Variants in CAMK2D observed in about 807,000 individuals in gnomAD.
CAMK2D encodes calcium/calmodulin-dependent protein kinase type II subunit delta.
In CAMK2D, 37 loss-of-function variants were observed where a neutral mutation model predicts 84.0. The ratio of observed to expected loss-of-function variants is 0.44; its 90% CI spans 0.34 to 0.58. The LOEUF (loss-of-function observed/expected upper bound fraction) is 0.58, where lower values mean the gene tolerates loss of function less well. Ranked by LOEUF, CAMK2D falls within the 20% of genes least tolerant of loss-of-function variation. The pLI is 0.02. For synonymous variants in CAMK2D, 202 were observed against 212.5 expected, an observed-to-expected ratio of 0.95 and a Z score of 0.43; for missense variants, 448 against 652.5, an observed-to-expected ratio of 0.69 and a Z score of 3.41.
At chr4:113,723,306 C>A (rs1023484261) in intron 2 of CAMK2D, among the ~76,000 whole-genome samples, 1 of 151,312 alleles carries the variant, frequency 6.6e-6, no homozygotes, top group Non-Finnish European at 1.5e-5. Context: ...CTCACTACAA[C>A]CTCCACCTCC....
At chr4:113,744,497 T>C (rs1380599074) in intron 2 of CAMK2D, among the ~76,000 whole-genome samples, 1 of 152,184 alleles carries the variant, frequency 6.6e-6, no homozygotes, top group Non-Finnish European at 1.5e-5. Flanking sequence ...CTTTCTGCCA[T>C]ATCCTTCCAT....
chr4:113,482,766 A>C (rs892243069), intron 16 of CAMK2D, among the ~76,000 whole-genome samples: 2 of 152,276 alleles, frequency 1.3e-5, no homozygotes, highest in African/African-American at 4.8e-5. Flanking sequence ...GAAATCAAAC[A>C]TCCAAAGGTA....
intron 2 of CAMK2D, among the ~76,000 whole-genome samples, chr4:113,730,036 A>G (rs1421223030): frequency 2.0e-5 from 3 of 152,140 alleles, no homozygotes; most frequent in Non-Finnish European, 4.4e-5. Flanking sequence ...ACCCGTGCAC[A>G]TCTTAGGTAT....
intron 8 of CAMK2D, among the ~76,000 whole-genome samples, chr4:113,529,784 A>T (rs17630126): frequency 0.061 from 9,330 of 152,170 alleles, 591 homozygotes; most frequent in East Asian, 0.21. Flanking sequence ...TCCAATATTT[A>T]CTAGTTCACT....
intron 2 of CAMK2D, among the ~76,000 whole-genome samples, chr4:113,692,963 G>A (rs2099392591): frequency 6.6e-6 from 1 of 152,048 alleles, no homozygotes; most frequent in African/African-American, 2.4e-5. Flanking sequence ...AAGACACAGA[G>A]TTCATGAAAG....
chr4:113,487,278 G>T (rs1485484185), intron 16 of CAMK2D, among the ~76,000 whole-genome samples: 2 of 151,988 alleles, frequency 1.3e-5, no homozygotes, highest in South Asian at 2.1e-4. Flanking sequence ...AATCAAGGGG[G>T]TTATAGCAGA....
chr4:113,694,932 T>C (rs2099398400), intron 2 of CAMK2D, among the ~76,000 whole-genome samples: 1 of 152,200 alleles, frequency 6.6e-6, no homozygotes. Context: ...TAAGTGTTTA[T>C]AGATTGATTC....
intron 16 of CAMK2D, among the ~76,000 whole-genome samples, chr4:113,469,395 C>CT (rs2097520025): frequency 6.6e-6 from 1 of 152,180 alleles, no homozygotes; most frequent in African/African-American, 2.4e-5. Context: ...AACTCTCTTG[C>CT]TTTTCTACAT....
chr4:113,607,758 C>T (rs980349223), intron 4 of CAMK2D, among the ~76,000 whole-genome samples: 5 of 152,272 alleles, frequency 3.3e-5, no homozygotes, highest in African/African-American at 4.8e-5. Flanking sequence ...GACTAAAAAG[C>T]GTTACTGCTC....
chr4:113,628,044 TA>T (rs2099075019), intron 3 of CAMK2D, among the ~76,000 whole-genome samples: 1 of 151,468 alleles, frequency 6.6e-6, no homozygotes, highest in Non-Finnish European at 1.5e-5. Context: ...TTAGAACTAC[TA>T]TCAAGATAAC....
At chr4:113,454,853 A>G (rs1268460959) in intron 20 of CAMK2D, among the ~76,000 whole-genome samples, 2 of 152,222 alleles carry the variant, frequency 1.3e-5, no homozygotes, top group African/African-American at 4.8e-5. Context: ...GTAAATGAAT[A>G]TAATCCTTTT....
intron 13 of CAMK2D, 81 bp from the exon 14 acceptor site, chr4:113,505,116 A>G: frequency 2.8e-6 from 2 of 704,226 alleles, no homozygotes; most frequent in Non-Finnish European, 4.6e-6. Context: ...ATGTCTACAT[A>G]GAGATGTAGA....
intron 8 of CAMK2D, among the ~76,000 whole-genome samples, chr4:113,524,531 T>C (rs1206421576): frequency 1.3e-5 from 2 of 152,238 alleles, no homozygotes; most frequent in Non-Finnish European, 2.9e-5. Flanking sequence ...TTGTTTAAGC[T>C]ATTTATCTGT....
At chr4:113,683,828 C>T (rs1192486830) in intron 2 of CAMK2D, among the ~76,000 whole-genome samples, 3 of 152,142 alleles carry the variant, frequency 2.0e-5, no homozygotes, top group Non-Finnish European at 2.9e-5. Context: ...CAGGAAATAT[C>T]GGTTTTGATC....
chr4:113,748,254 T>G (rs1047640496), intron 2 of CAMK2D, among the ~76,000 whole-genome samples: 3 of 151,552 alleles, frequency 2.0e-5, no homozygotes. Context: ...TACCTTCATT[T>G]ATCCAGCACC....
chr4:113,733,921 A>ACAAAT, intron 2 of CAMK2D, among the ~76,000 whole-genome samples: 2 of 152,202 alleles, frequency 1.3e-5, no homozygotes, highest in Non-Finnish European at 2.9e-5. Flanking sequence ...GCCAAAGGGT[A>ACAAAT]GGCTAAATAT....
At position 113,474,633 on chromosome 4, in the gene CAMK2D, GTTTATTTATTTA is replaced by G. The variant is rs368904254; in HGVS notation, c.1136-9041_1136-9030del. ...GGAGCATATATCTTTCAGGTCAAGA[GTTTATTTATTTA>G]TTTATTTGTTTATTTTTTGAGAAGA... On this transcript the variant is annotated intron_variant, in intron 16 of 20. Coordinates refer to ENST00000511664, the MANE Select transcript of CAMK2D (RefSeq NM_001321571.2). Among the ~76,000 whole-genome samples, 778 of 149,878 alleles carry G rather than the reference GTTTATTTATTTA, an allele frequency of 5.2e-3. 6 individuals carry two copies. The highest frequency in any genetic ancestry group is 0.018 in the African/African-American group (726 of 40,766).
At chr4:113,614,648 G>GT (rs2099014266) in intron 3 of CAMK2D, among the ~76,000 whole-genome samples, 1 of 152,130 alleles carries the variant, frequency 6.6e-6, no homozygotes, top group African/African-American at 2.4e-5. Context: ...CTCAGCTACA[G>GT]TAGAGCACCC....
intron 2 of CAMK2D, among the ~76,000 whole-genome samples, chr4:113,726,001 T>C (rs2099544685): frequency 6.6e-6 from 1 of 152,170 alleles, no homozygotes; most frequent in African/African-American, 2.4e-5. Flanking sequence ...AGTGAAAGCA[T>C]AGAGATGAAA....
Sources: allele counts gnomAD v4.1 joint callset (sites outside exome capture counted in the v4.1 genomes callset), GRCh38; gene constraint gnomAD v4.1.1; transcripts MANE v1.5; gene names NCBI Gene and HGNC (gene_info 2026-07-23, HGNC 2026-07-21).